PSD3: variants seen among roughly 807,000 people sequenced by gnomAD.
The protein encoded by PSD3 is pleckstrin and Sec7 domain containing 3.
In PSD3, 49 loss-of-function variants were observed where a neutral mutation model predicts 105.5. The observed-to-expected ratio is 0.46, with a 90% CI of 0.37 to 0.59. The LOEUF (loss-of-function observed/expected upper bound fraction) is 0.59, where lower values mean the gene tolerates loss of function less well. Among genes scored for constraint, PSD3 ranks in the 20% least tolerant of loss-of-function variants. The pLI is 0.00. For synonymous variants in PSD3, 557 were observed against 457.8 expected (o/e 1.22, Z -2.77); for missense variants, 1,561 against 1,263.8 (o/e 1.24, Z -3.57).
In PSD3 at chr8:18,606,788, G is replaced by C. The variant is rs1804869417; in HGVS notation, c.2411-6354C>G. 2.0e-5 allele frequency among the ~76,000 whole-genome samples: 3 copies of C among 152,084 alleles called. No individual in the cohort carries two copies. In the South Asian group the frequency reaches 6.2e-4, roughly 32 times the overall value. On this transcript the variant is annotated intron_variant, in intron 11 of 15. Coordinates refer to ENST00000327040, the MANE Select transcript of PSD3 (RefSeq NM_015310.4). ...AAGATAAAATGGAAGGAAAGGGAAA[G>C]GCATTAACATTAACTAAGCACCTAC... is the stretch of plus-strand genomic sequence containing the variant.
chr8:18,653,518 A>G (rs1181078059), intron 10 of PSD3, among the ~76,000 whole-genome samples: 1 of 152,192 alleles, frequency 6.6e-6, no homozygotes, highest in Non-Finnish European at 1.5e-5. Flanking sequence ...GCAAAAGAGG[A>G]AACTGAGGAC....
chr8:19,005,910 G>T (rs1266193144), intron 1 of PSD3, among the ~76,000 whole-genome samples: 1 of 151,794 alleles, frequency 6.6e-6, no homozygotes, highest in Non-Finnish European at 1.5e-5. Context: ...TATAGTATGT[G>T]AATATCTCAA....
intron 1 of PSD3, among the ~76,000 whole-genome samples, chr8:19,025,748 C>T (rs1309820591): frequency 6.6e-6 from 1 of 152,184 alleles, no homozygotes; most frequent in East Asian, 1.9e-4. Flanking sequence ...TAGATCATGT[C>T]ATAATTTCAG....
rs1324290834 is a variant in PSD3 at position 18,791,848 on chromosome 8, G to A, written c.2082+7447C>T. Among the ~76,000 whole-genome samples the A allele has an allele frequency of 6.6e-5, 10 of 151,988 alleles. No homozygotes were observed. The South Asian group carries it at 1.9e-3, about 28-fold the overall frequency. On this transcript the variant is annotated intron_variant, in intron 8 of 15. Transcript: ENST00000327040. The stretch of plus-strand genomic sequence containing the variant: ...TCCATCTGACAATGGTCTAATACCC[G>A]GCACCTACAAGGAATTTAAATGTAT...
chr8:18,837,475 G>A (rs1453141511), intron 4 of PSD3, among the ~76,000 whole-genome samples: 2 of 152,036 alleles, frequency 1.3e-5, no homozygotes, highest in African/African-American at 4.8e-5. Flanking sequence ...AATCAGAGGG[G>A]GCTCTAAAAG....
At chr8:18,738,627 TAACACAAGTAG>T (rs1382306481) in intron 9 of PSD3, among the ~76,000 whole-genome samples, 1 of 152,100 alleles carries the variant, frequency 6.6e-6, no homozygotes, top group Non-Finnish European at 1.5e-5. Context: ...GGTTAAACCT[TAACACAAGTAG>T]GCTGAAAATC....
At chr8:18,564,157 AT>A (rs1384869618) in intron 14 of PSD3, among the ~76,000 whole-genome samples, 1 of 151,676 alleles carries the variant, frequency 6.6e-6, no homozygotes, top group Non-Finnish European at 1.5e-5. Flanking sequence ...AGGTTTACTA[AT>A]ATTTATTACT....
chr8:18,909,266 G>A (rs1325584837), intron 2 of PSD3, among the ~76,000 whole-genome samples: 3 of 152,036 alleles, frequency 2.0e-5, no homozygotes, highest in African/African-American at 4.8e-5. Context: ...AGAAATGAAC[G>A]TTATCTCTCC....
intron 1 of PSD3, among the ~76,000 whole-genome samples, chr8:19,060,532 G>C (rs934810262): frequency 5.3e-5 from 8 of 152,156 alleles, no homozygotes; most frequent in African/African-American, 1.9e-4. Context: ...TACTCAGGAG[G>C]CTGAGACAGG....
At chr8:18,897,205 T>A (rs922251181) in intron 2 of PSD3, among the ~76,000 whole-genome samples, 1 of 152,192 alleles carries the variant, frequency 6.6e-6, no homozygotes, top group Non-Finnish European at 1.5e-5. Context: ...TATTTTTTCA[T>A]ATACCTGTTG....
Position 18,570,843 on chromosome 8 carries a change from CTATTATTAT to C in PSD3, c.2784+1676_2784+1684del, listed in dbSNP as rs57603961. 1.1e-4 allele frequency among the ~76,000 whole-genome samples: 13 copies of C among 117,418 alleles called. No homozygotes were observed. In the South Asian group the frequency reaches 1.3e-3, roughly 11 times the overall value. 77.0% of individuals were successfully genotyped at this position (117,418 alleles called of 152,430 possible). On this transcript the variant is annotated intron_variant, in intron 14 of 15. Transcript: ENST00000327040. ...GATCACATTACTGTCCTGCTTAAAA[CTATTATTAT>C]TATTATTATTATTATTATTATTATT...
At chr8:18,626,928 A>G (rs1225676438) in intron 11 of PSD3, among the ~76,000 whole-genome samples, 2 of 152,132 alleles carry the variant, frequency 1.3e-5, no homozygotes, top group Non-Finnish European at 2.9e-5. Context: ...ATAGTTCAGT[A>G]AATATTAGGT....
rs1453387422 is a variant in PSD3 at position 18,530,492 on chromosome 8, C to T, written c.*5251G>A. 2 of 152,478 alleles carry T rather than the reference C, an allele frequency of 1.3e-5. No individual in the cohort carries two copies. Among genetic ancestry groups the T allele is most frequent in the South Asian group, 2.1e-4 (1 of 4,826 alleles). 9.4% of individuals were successfully genotyped at this position (152,478 alleles called of 1,614,324 possible). ...GCACCACGAGAGTGGTTTGATCTCCCGTAAAACATACACAAATACATAAAT... is the reference window on the plus strand; with the variant it reads ...GCACCACGAGAGTGGTTTGATCTCCTGTAAAACATACACAAATACATAAAT... On this transcript the variant is annotated 3_prime_UTR_variant, in exon 16 of 16. Transcript: ENST00000327040.
intron 10 of PSD3, among the ~76,000 whole-genome samples, 181 bp downstream of exon 10, chr8:18,655,461 A>T (rs9325838): frequency 6.6e-6 from 1 of 152,082 alleles, no homozygotes; most frequent in Non-Finnish European, 1.5e-5. Flanking sequence ...TAAAACCGAA[A>T]TAGGTTTTAC....
At position 18,835,619 on chromosome 8, in the gene PSD3, C is replaced by T. The variant is rs776892961; in HGVS notation, c.1635-30721G>A. 3.9e-5 allele frequency among the ~76,000 whole-genome samples: 6 copies of T among 152,226 alleles called. No individual in the cohort carries two copies. The East Asian group carries it at 1.2e-3, about 29-fold the overall frequency. On this transcript the variant is annotated intron_variant, in intron 4 of 15. Coordinates refer to ENST00000327040, the MANE Select transcript of PSD3 (RefSeq NM_015310.4). ...GGAAGCAGGCAAGGAGAATATGAAA[C>T]CGTGAGAGGAAAAGAGTTATAATTT...
intron 9 of PSD3, among the ~76,000 whole-genome samples, chr8:18,707,515 G>C (rs1801975150): frequency 6.6e-6 from 1 of 152,144 alleles, no homozygotes; most frequent in African/African-American, 2.4e-5. Flanking sequence ...ACTACTGCCA[G>C]GCAGTTCTGA....
intron 4 of PSD3, among the ~76,000 whole-genome samples, chr8:18,829,325 T>C (rs754902405): frequency 1.8e-4 from 27 of 152,000 alleles, no homozygotes; most frequent in Non-Finnish European, 3.7e-4. Context: ...AACTAAAAAC[T>C]CATTTAAAAA....
chr8:19,044,854 A>G (rs1329693985), intron 1 of PSD3, among the ~76,000 whole-genome samples: 1 of 152,180 alleles, frequency 6.6e-6, no homozygotes, highest in East Asian at 1.9e-4. Flanking sequence ...AGGCTTAAGC[A>G]TGTTCCAAGG....
intron 1 of PSD3, among the ~76,000 whole-genome samples, chr8:18,959,850 G>A (rs79105320): frequency 0.013 from 1,927 of 152,274 alleles, 22 homozygotes; most frequent in Middle Eastern, 0.031. Flanking sequence ...CTGCAGTGCC[G>A]AGCTGAGGAT....
Sources: gnomAD v4.1 joint callset for allele counts (sites outside exome capture counted in the v4.1 genomes callset) on GRCh38, gnomAD v4.1.1 for gene constraint, MANE v1.5 for transcripts, NCBI Gene and HGNC (gene_info 2026-07-23, HGNC 2026-07-21) for gene names.